Variants in VASH1 observed in about 807,000 individuals in gnomAD.
VASH1 encodes the protein tubulinyl-Tyr carboxypeptidase 1.
A neutral mutation model predicts 35.0 loss-of-function variants in VASH1; 16 were observed. The ratio of observed to expected loss-of-function variants is 0.46; its 90% confidence interval spans 0.31 to 0.70. The LOEUF is 0.70. Ranked by LOEUF, VASH1 falls within the 30% of genes least tolerant of loss-of-function variation. The probability of loss-of-function intolerance (pLI) is 0.05; values close to 1 mark genes in which losing one functional copy is unlikely to be tolerated. For synonymous variants in VASH1, 214 were observed against 200.9 expected (o/e 1.07, Z -0.55); for missense variants, 505 against 510.7 (o/e 0.99, Z 0.11).
At chr14:76,778,151 T>G (rs1893998416) in intron 6 of VASH1, 80 bp downstream of exon 6, 34 of 1,057,928 alleles carry the variant, frequency 3.2e-5, no homozygotes, top group Non-Finnish European at 4.3e-5. Context: ...CTTTTTTTTT[T>G]TATCTCTCTC....
chr14:76,772,085 C>G (rs1007988394), intron 3 of VASH1, among the ~76,000 whole-genome samples: 8 of 151,966 alleles, frequency 5.3e-5, no homozygotes, highest in Admixed American at 3.9e-4. Flanking sequence ...ACTAAAAATA[C>G]AAAAATTAGC....
At chr14:76,773,636 A>T (rs1368771134) in intron 4 of VASH1, 3 of 25,366 alleles carry the variant, frequency 1.2e-4, no homozygotes, top group Non-Finnish European at 2.4e-4. Context: ...AAACTGCCTT[A>T]AAAAAAAAAA....
intron 5 of VASH1, 106 bp downstream of exon 5, chr14:76,776,379 G>A (rs1893945420): frequency 1.8e-5 from 25 of 1,391,796 alleles, no homozygotes; most frequent in Non-Finnish European, 2.3e-5. Flanking sequence ...GGGGACTGGG[G>A]TGCTGGGACC....
At chr14:76,773,286 G>T in intron 4 of VASH1, 75 bp downstream of exon 4, 1 of 1,509,970 alleles carries the variant, frequency 6.6e-7, no homozygotes. Flanking sequence ...AGTGAGGGTG[G>T]GGTAGGTTGA....
chr14:76,773,418 C>A, intron 4 of VASH1: 1 of 568,518 alleles, frequency 1.8e-6, no homozygotes, highest in South Asian at 2.4e-5. Flanking sequence ...CCCCACATCT[C>A]AGTTGCTACC....
chr14:76,777,982 C>A lies in VASH1; in HGVS notation c.936C>A (p.Pro312=). Residue 312 remains proline (P), a synonymous_variant, in exon 6 of 7, where the codon CCC becomes CCA. Transcript: ENST00000167106. The stretch of plus-strand genomic sequence containing the variant: ...AGATTGGCAAAGGGACGGGCCCTCC[C>A]TCTCCCACCAAGGACCGGAAGAAGG... ...RLKIGKGTGP[P]SPTKDRKKDV... is the part of the protein sequence containing the mutation. 1.3e-6 allele frequency: 2 copies of A among 1,540,312 alleles called. No individual in the cohort carries two copies. The highest frequency in any genetic ancestry group is 2.6e-5 in the East Asian group (1 of 38,234).
chr14:76,765,005 C>T lies in VASH1; in HGVS notation c.309+1875C>T, dbSNP rs546310899. On this transcript the variant is annotated intron_variant, in intron 1 of 6. Transcript: ENST00000167106. ...CCACGCCCGGCCAGACATCCATCACCTTTACTTATGTGCTTTATCAAGCGG... is the reference window on the plus strand; with the variant it reads ...CCACGCCCGGCCAGACATCCATCACTTTTACTTATGTGCTTTATCAAGCGG... Among the ~76,000 whole-genome samples, 40 of 152,220 alleles carry T rather than the reference C, an allele frequency of 2.6e-4. 3 individuals carry two copies. The South Asian group carries it at 6.2e-3, about 24-fold the overall frequency.
intron 4 of VASH1, among the ~76,000 whole-genome samples, 194 bp from the exon 5 acceptor site, chr14:76,775,698 C>G (rs544704219): frequency 6.6e-6 from 1 of 152,304 alleles, no homozygotes; most frequent in African/African-American, 2.4e-5. Flanking sequence ...TTATTGAGCT[C>G]CAGCTGGATA....
intron 6 of VASH1, 80 bp downstream of exon 6, chr14:76,778,151 T>C (rs1893998416): frequency 2.8e-6 from 3 of 1,058,036 alleles, no homozygotes; most frequent in South Asian, 2.2e-5. Context: ...CTTTTTTTTT[T>C]TATCTCTCTC....
chr14:76,769,054 G>A (rs1398405937), intron 1 of VASH1, among the ~76,000 whole-genome samples: 6 of 152,198 alleles, frequency 3.9e-5, no homozygotes, highest in Non-Finnish European at 4.4e-5. Flanking sequence ...TGCCAGATCC[G>A]GGCTCCCCTG....
At position 76,779,497 on chromosome 14, in the gene VASH1, T is replaced by G. The variant is rs1284607427; in HGVS notation, c.*479T>G. On this transcript the variant is annotated 3_prime_UTR_variant, in exon 7 of 7. Transcript: ENST00000167106. ...GATGTTTCTCCAGTTCTGCCTGCCC[T>G]GGCAGAATCTTGACCCAGGGAAAGG... 1 of 701,974 alleles carries G rather than the reference T, an allele frequency of 1.4e-6. No individual in the cohort carries two copies. Among genetic ancestry groups the G allele is most frequent in the Admixed American group, 2.0e-5 (1 of 49,972 alleles). The allele number at this position is 701,974 out of a possible 1,614,324, so 43.5% of individuals were successfully genotyped here.
chr14:76,766,598 G>A (rs952463358), intron 1 of VASH1, among the ~76,000 whole-genome samples: 2 of 152,050 alleles, frequency 1.3e-5, no homozygotes, highest in African/African-American at 2.4e-5. Context: ...GCCCTACCAT[G>A]CCTGGCTAAT....
chr14:76,778,915 C>G (rs1456001916), intron 6 of VASH1, 31 bp from the exon 7 acceptor site: 5 of 1,610,356 alleles, frequency 3.1e-6, no homozygotes, highest in Non-Finnish European at 4.2e-6. Context: ...ACCACTCACT[C>G]TCCTCCCGCT....
intron 1 of VASH1, among the ~76,000 whole-genome samples, chr14:76,767,637 G>T (rs1302344851): frequency 2.0e-5 from 3 of 152,206 alleles, no homozygotes; most frequent in Non-Finnish European, 4.4e-5. Flanking sequence ...TTTCGGAGGT[G>T]GGGGTGAGGG....
intron 2 of VASH1, 21 bp from the exon 3 acceptor site, chr14:76,771,169 G>A (rs1893785398): frequency 1.3e-6 from 2 of 1,561,494 alleles, no homozygotes; most frequent in African/African-American, 2.8e-5. Context: ...AAGCTAGGAA[G>A]CCCTTAACCC....
At chr14:76,771,522 A>T (rs540039090) in intron 3 of VASH1, among the ~76,000 whole-genome samples, 1 of 152,352 alleles carries the variant, frequency 6.6e-6, no homozygotes, top group East Asian at 1.9e-4. Context: ...TGCCTTGGCC[A>T]GGAGAGAGGG....
Position 76,779,841 on chromosome 14 carries a change from C to T in VASH1, c.*823C>T, listed in dbSNP as rs1894055103. 5.2e-6 allele frequency: 2 copies of T among 387,528 alleles called. No homozygotes were observed. The highest frequency in any genetic ancestry group is 9.2e-6 in the Non-Finnish European group (2 of 216,884). 24.0% of individuals were successfully genotyped at this position (387,528 alleles called of 1,614,324 possible). The stretch of plus-strand genomic sequence containing the variant: ...GGACCCAGAATGGCACTGAGGCCAG[C>T]ATGGCTGTGGGAGTTGAGCAAACCC... On this transcript the variant is annotated 3_prime_UTR_variant, in exon 7 of 7. Coordinates refer to ENST00000167106, the MANE Select transcript of VASH1 (RefSeq NM_014909.5).
At chr14:76,778,806 C>A in intron 6 of VASH1, 140 bp from the exon 7 acceptor site, 1 of 822,452 alleles carries the variant, frequency 1.2e-6, no homozygotes, top group Non-Finnish European at 2.1e-6. Flanking sequence ...AACACACTTC[C>A]ATACGCACTG....
intron 4 of VASH1, among the ~76,000 whole-genome samples, chr14:76,775,485 G>GGGT (rs1893910588): frequency 6.6e-6 from 1 of 152,150 alleles, no homozygotes; most frequent in Non-Finnish European, 1.5e-5. Flanking sequence ...GAGGGTAAGA[G>GGGT]AAGAGTGAAG....
Sources: gnomAD v4.1 joint callset for allele counts (sites outside exome capture counted in the v4.1 genomes callset) on GRCh38, gnomAD v4.1.1 for gene constraint, MANE v1.5 for transcripts, NCBI Gene and HGNC (gene_info 2026-07-23, HGNC 2026-07-21) for gene names.